Variants in PRAG1 observed in about 807,000 individuals in gnomAD.
The protein encoded by PRAG1 is inactive tyrosine-protein kinase PRAG1.
In PRAG1, 110 loss-of-function variants were observed where a neutral mutation model predicts 95.6. That is an observed-to-expected ratio of 1.15 (90% CI 0.99 to 1.35). The LOEUF is 1.35. Among genes scored for constraint, PRAG1 ranks in the 40% most tolerant of loss-of-function variants. The pLI is 0.00. For synonymous variants in PRAG1, 1,052 were observed against 819.4 expected, an observed-to-expected ratio of 1.28 and a Z score of -4.85; for missense variants, 2,554 against 1,864.7, an observed-to-expected ratio of 1.37 and a Z score of -6.81.
chr8:8,365,214 T>A (rs1386748188), intron 3 of PRAG1, among the ~76,000 whole-genome samples: 1 of 152,228 alleles, frequency 6.6e-6, no homozygotes, highest in Non-Finnish European at 1.5e-5. Context: ...TTTGTTTTCA[T>A]CTTCCCAATT....
intron 4 of PRAG1, among the ~76,000 whole-genome samples, chr8:8,331,951 G>C (rs952795273): frequency 6.6e-6 from 1 of 152,090 alleles, no homozygotes; most frequent in Non-Finnish European, 1.5e-5. Context: ...TTGTTTCTTA[G>C]ATGCTATGAG....
chr8:8,370,959 T>C (rs975640109), intron 3 of PRAG1, among the ~76,000 whole-genome samples: 1 of 151,904 alleles, frequency 6.6e-6, no homozygotes, highest in Non-Finnish European at 1.5e-5. Context: ...AGCAACACGG[T>C]GAAACCCCAT....
Position 8,353,822 on chromosome 8 carries a change from G to T in PRAG1, c.2163-14187C>A, listed in dbSNP as rs553542387. Among the ~76,000 whole-genome samples the T allele has an allele frequency of 9.9e-5, 15 of 152,002 alleles. No individual in the cohort carries two copies. In the East Asian group the frequency reaches 2.7e-3, roughly 27 times the overall value. On this transcript the variant is annotated intron_variant, in intron 3 of 5. Coordinates refer to ENST00000615670, the MANE Select transcript of PRAG1 (RefSeq NM_001080826.3). ...GCCCTGTTTCAAAAGAGAAGAAGAT[G>T]AAGAAAAAGAAGAAGAAGAAGATAA...
At chr8:8,338,992 G>A (rs534603144) in intron 4 of PRAG1, among the ~76,000 whole-genome samples, 1 of 152,198 alleles carries the variant, frequency 6.6e-6, no homozygotes, top group Admixed American at 6.5e-5. Context: ...AAGCAGGCTA[G>A]ATGGTGGCCT....
rs1800453677 is a variant in PRAG1, at chr8:8,377,406, C to T, written c.1003G>A (p.Ala335Thr). ...CAAGAGAGGCCGTCGGAAGAAATGG[C>T]AGCCTCCGAGGTGAGGGACAGTTTC... ...PKKLSLTSEA[A>T]ISSDGLSCGS... The change falls in exon 3 of 6, where the codon GCC (alanine) becomes ACC (threonine). Residue 335 changes from alanine (A) to threonine (T), a missense_variant. Physicochemically the swap from Ala to Thr is moderately conservative, Grantham distance 58. Coordinates refer to ENST00000615670, the MANE Select transcript of PRAG1 (RefSeq NM_001080826.3). 4 of 1,577,460 alleles carry T rather than the reference C, an allele frequency of 2.5e-6. No homozygotes were observed. The South Asian group carries it at 4.8e-5, about 19-fold the overall frequency.
At chr8:8,348,376 A>G (rs1257608264) in intron 3 of PRAG1, among the ~76,000 whole-genome samples, 1 of 152,248 alleles carries the variant, frequency 6.6e-6, no homozygotes, top group African/African-American at 2.4e-5. Flanking sequence ...CTGTAGTGAC[A>G]GAAACACACA....
chr8:8,329,166 A>G (rs1798742433), intron 4 of PRAG1, among the ~76,000 whole-genome samples: 1 of 151,948 alleles, frequency 6.6e-6, no homozygotes, highest in Non-Finnish European at 1.5e-5. Flanking sequence ...GCTGAGGTGG[A>G]CGGATCACTT....
chr8:8,370,008 A>G (rs1037461436), intron 3 of PRAG1, among the ~76,000 whole-genome samples: 3 of 152,272 alleles, frequency 2.0e-5, no homozygotes, highest in African/African-American at 7.2e-5. Flanking sequence ...AGCGCCTTGC[A>G]CAGAGCCCAC....
intron 2 of PRAG1, among the ~76,000 whole-genome samples, chr8:8,379,241 T>C (rs1364811636): frequency 1.3e-5 from 2 of 152,316 alleles, no homozygotes; most frequent in East Asian, 3.9e-4. Context: ...CCTACAGCAG[T>C]GACCTCAGCC....
rs1350170654 is a variant in PRAG1 at position 8,318,842 on chromosome 8, G to C, written c.3533C>G (p.Ala1178Gly). 1.6e-6 allele frequency: 2 copies of C among 1,240,712 alleles called. No homozygotes were observed. The highest frequency in any genetic ancestry group is 4.5e-5 in the Admixed American group (1 of 22,122). 76.9% of individuals were successfully genotyped at this position (1,240,712 alleles called of 1,614,324 possible). Reference protein sequence around the residue: ...PAPAPAPAAAAPPCSSAAPPA... With the variant: ...PAPAPAPAAAGPPCSSAAPPA... ...CGGGGCGGCAGAGGAGCAGGGAGGC[G>C]CGGCGGCGGCGGGGGCGGGAGCCGG... Residue 1178 changes from alanine (A) to glycine (G), a missense_variant, in exon 6 of 6, where the codon GCG becomes GGG. Coordinates refer to ENST00000615670, the MANE Select transcript of PRAG1 (RefSeq NM_001080826.3). This position sits in a 1 kb window ranked among gnomAD's most constrained non-coding sequence, Gnocchi z 4.2.
intron 3 of PRAG1, among the ~76,000 whole-genome samples, chr8:8,352,907 C>T (rs940564032): frequency 3.3e-5 from 5 of 151,982 alleles, no homozygotes; most frequent in African/African-American, 9.7e-5. Context: ...CAAAAGAGAG[C>T]AGAGATGGCA....
chr8:8,328,536 C>A, intron 4 of PRAG1, 75 bp from the exon 5 acceptor site: 1 of 1,452,574 alleles, frequency 6.9e-7, no homozygotes, highest in Non-Finnish European at 9.2e-7. Flanking sequence ...ACTTGTTTCC[C>A]TTTATTTATT....
chr8:8,320,482 A>G (rs1201236083), intron 5 of PRAG1, among the ~76,000 whole-genome samples: 1 of 152,160 alleles, frequency 6.6e-6, no homozygotes, highest in African/African-American at 2.4e-5. Context: ...CTGCCACTCA[A>G]CTAGAGAGTC....
At chr8:8,370,777 T>C (rs2976971) in intron 3 of PRAG1, among the ~76,000 whole-genome samples, 11,958 of 152,214 alleles carry the variant, frequency 0.079, 572 homozygotes, top group Middle Eastern at 0.21. Context: ...ATGTGGCCAC[T>C]TCTGTGGACA....
In PRAG1 at chr8:8,376,609, C is replaced by A. The variant is rs201084497; in HGVS notation, c.1800G>T (p.Arg600=). The A allele has an allele frequency of 4.2e-5, 67 of 1,603,386 alleles. No homozygotes were observed. In the African/African-American group the frequency reaches 6.7e-4, roughly 16 times the overall value. Residue 600 remains arginine, a synonymous_variant, in exon 3 of 6, where the codon CGG becomes CGT. Transcript: ENST00000615670. ...GGTCACTGATAGCGACACCGTTGGTCCGGCAGGAAGGAGCGGGGTCAGCAG... is the reference window on the plus strand; with the variant it reads ...GGTCACTGATAGCGACACCGTTGGTACGGCAGGAAGGAGCGGGGTCAGCAG... ...QGPADPAPSC[R]TNGVAISDPS...
chr8:8,381,473 C>T lies in PRAG1; in HGVS notation c.275G>A (p.Ser92Asn). The T allele has an allele frequency of 2.5e-6, 4 of 1,614,238 alleles. No homozygotes were observed. Among genetic ancestry groups the T allele is most frequent in the Non-Finnish European group, 1.7e-6 (2 of 1,180,038 alleles). The change falls in exon 2 of 6, where the codon AGC (serine) becomes AAC (asparagine). Residue 92 changes from serine (S) to asparagine (N), a missense_variant. Physicochemically the swap from Ser to Asn is conservative, Grantham distance 46. Transcript: ENST00000615670. ...TGTCCACACATCAGAGGCCTCGGAGCTCATCATGGTGGGCTTCACGGCAAT... is the reference window on the plus strand; with the variant it reads ...TGTCCACACATCAGAGGCCTCGGAGTTCATCATGGTGGGCTTCACGGCAAT... ...PTIAVKPTMM[S>N]SEASDVWTEA...
intron 3 of PRAG1, among the ~76,000 whole-genome samples, chr8:8,375,683 A>C (rs549607794): frequency 6.6e-6 from 1 of 152,154 alleles, no homozygotes; most frequent in African/African-American, 2.4e-5. Flanking sequence ...CTTTAACTTT[A>C]AAAATGTTAT....
At position 8,324,145 on chromosome 8, in the gene PRAG1, C is replaced by T. The variant is rs532336814; in HGVS notation, c.3072+3565G>A. On this transcript the variant is annotated intron_variant, in intron 5 of 5. Coordinates refer to ENST00000615670, the MANE Select transcript of PRAG1 (RefSeq NM_001080826.3). Reference sequence around the variant, plus strand: ...CTGCTCTTGCCATCTCGGCTGTAGCCCTCTGGTGATGCGGAGGCATCCAGA... The same window carrying T: ...CTGCTCTTGCCATCTCGGCTGTAGCTCTCTGGTGATGCGGAGGCATCCAGA... Among the ~76,000 whole-genome samples, 11 of 152,258 alleles carry T rather than the reference C, an allele frequency of 7.2e-5. 1 individual carries two copies. The South Asian group carries it at 2.3e-3, about 32-fold the overall frequency.
chr8:8,359,542 C>G (rs150419504), intron 3 of PRAG1, among the ~76,000 whole-genome samples: 103 of 152,282 alleles, frequency 6.8e-4, no homozygotes, highest in African/African-American at 2.4e-3. Flanking sequence ...ATCAGTATGA[C>G]CCGTCTGATT....
Sources: allele counts gnomAD v4.1 joint callset (sites outside exome capture counted in the v4.1 genomes callset), GRCh38; gene constraint gnomAD v4.1.1; non-coding constraint Gnocchi (gnomAD v3.1); transcripts MANE v1.5; gene names NCBI Gene and HGNC (gene_info 2026-07-23, HGNC 2026-07-21).